CYP46A1: variants seen among roughly 807,000 people sequenced by gnomAD.
CYP46A1 encodes cytochrome P450 family 46 subfamily A member 1, also known as cholesterol 24-hydroxylase.
Under a neutral mutation model 63.3 loss-of-function variants are expected in CYP46A1, and 20 were observed. The ratio of observed to expected loss-of-function variants is 0.32; its 90% CI spans 0.22 to 0.46. The LOEUF is 0.46. Among genes scored for constraint, CYP46A1 ranks in the 20% least tolerant of loss-of-function variants. The pLI is 1.00. For synonymous variants in CYP46A1, 268 were observed against 273.6 expected (o/e 0.98, Z 0.20); for missense variants, 445 against 670.8 (o/e 0.66, Z 3.72).
chr14:99,723,180 T>G (rs2056864703), intron 12 of CYP46A1: 2 of 198,518 alleles, frequency 1.0e-5, no homozygotes, highest in Non-Finnish European at 2.2e-5. Flanking sequence ...CGTGAGCATC[T>G]GACCCTGCTT....
intron 1 of CYP46A1, among the ~76,000 whole-genome samples, chr14:99,687,828 G>A (rs2056507778): frequency 1.3e-5 from 2 of 152,134 alleles, no homozygotes; most frequent in South Asian, 4.1e-4. Context: ...CTATCACCAG[G>A]GACATGCCAA....
chr14:99,688,192 G>T (rs915209875), intron 1 of CYP46A1, among the ~76,000 whole-genome samples: 22 of 152,106 alleles, frequency 1.4e-4, no homozygotes, highest in African/African-American at 5.3e-4. Context: ...CGACAATGAG[G>T]ACACTAGATT....
At chr14:99,717,932 G>A in intron 9 of CYP46A1, 122 bp from the exon 10 acceptor site, 2 of 731,244 alleles carry the variant, frequency 2.7e-6, no homozygotes, top group East Asian at 2.7e-5. Flanking sequence ...GGCTTTTAGA[G>A]CCAGATGCCT....
At chr14:99,695,587 C>T (rs1236373189) in intron 3 of CYP46A1, 1 of 167,742 alleles carries the variant, frequency 6.0e-6, no homozygotes, top group Non-Finnish European at 1.3e-5. Context: ...ATTTTGTCTA[C>T]TTTAAGCCAT....
chr14:99,716,211 T>C lies in CYP46A1; in HGVS notation c.907+12T>C, dbSNP rs748290810. On this transcript the variant is annotated intron_variant, in intron 9 of 14. Transcript: ENST00000261835. The stretch of plus-strand genomic sequence containing the variant: ...CTTCTTCATTGCTGGTTTGTAGCTT[T>C]GGCGGTGGCCAAGGGCCCGGAGCTC... 35 of 1,614,068 alleles carry C rather than the reference T, an allele frequency of 2.2e-5. No individual in the cohort carries two copies. The highest frequency in any genetic ancestry group is 2.9e-5 in the Non-Finnish European group (34 of 1,179,990).
chr14:99,715,787 C>G, intron 7 of CYP46A1, 23 bp from the exon 8 acceptor site: 1 of 1,614,000 alleles, frequency 6.2e-7, no homozygotes, highest in African/African-American at 1.3e-5. Flanking sequence ...ACTTGGCCAT[C>G]TGGAGCTGAA....
chr14:99,693,090 G>C (rs905375527), intron 3 of CYP46A1: 2 of 152,298 alleles, frequency 1.3e-5, no homozygotes, highest in Non-Finnish European at 2.9e-5. Context: ...TAATATAAAT[G>C]AGCCATCTAG....
chr14:99,719,997 C>CA (rs1415936324), intron 10 of CYP46A1, among the ~76,000 whole-genome samples: 1 of 151,670 alleles, frequency 6.6e-6, no homozygotes, highest in African/African-American at 2.4e-5. Context: ...CTCCTGACCT[C>CA]ATGATCCACC....
chr14:99,716,903 A>T (rs1239763845), intron 9 of CYP46A1, among the ~76,000 whole-genome samples: 1 of 152,200 alleles, frequency 6.6e-6, no homozygotes, highest in Non-Finnish European at 1.5e-5. Flanking sequence ...AAGATGAGGG[A>T]CAGTTTCTAG....
intron 5 of CYP46A1, among the ~76,000 whole-genome samples, chr14:99,702,762 C>T (rs2056643200): frequency 6.6e-6 from 1 of 151,966 alleles, no homozygotes; most frequent in Admixed American, 6.6e-5. Flanking sequence ...ACATTGTGCT[C>T]CCCACCTTTA....
At chr14:99,702,703 T>G (rs1370393456) in intron 5 of CYP46A1, among the ~76,000 whole-genome samples, 1 of 152,062 alleles carries the variant, frequency 6.6e-6, no homozygotes, top group Non-Finnish European at 1.5e-5. Context: ...TACATATATT[T>G]ATATTTTTTA....
At chr14:99,691,677 G>A in intron 2 of CYP46A1, 103 bp from the exon 3 acceptor site, 1 of 1,084,422 alleles carries the variant, frequency 9.2e-7, no homozygotes, top group Non-Finnish European at 1.4e-6. Flanking sequence ...CATGCATTGA[G>A]CACCTTCTGG....
intron 7 of CYP46A1, chr14:99,710,785 C>T (rs2056722981): frequency 6.6e-6 from 1 of 152,140 alleles, no homozygotes; most frequent in Non-Finnish European, 1.5e-5. Context: ...ATCACAGAAA[C>T]ATTGGATTTA....
intron 9 of CYP46A1, 196 bp from the exon 10 acceptor site, chr14:99,717,858 T>C (rs1389506503): frequency 9.7e-6 from 5 of 514,384 alleles, no homozygotes; most frequent in African/African-American, 1.9e-5. Flanking sequence ...CACTTTCTCT[T>C]CTCCAAAATG....
chr14:99,685,370 C>A (rs896709741), intron 1 of CYP46A1, among the ~76,000 whole-genome samples: 1 of 131,336 alleles, frequency 7.6e-6, no homozygotes. Context: ...CTGGGCCTGG[C>A]GGGCTTCTTC....
chr14:99,714,387 C>A (rs1212676857), intron 7 of CYP46A1, among the ~76,000 whole-genome samples: 1 of 152,128 alleles, frequency 6.6e-6, no homozygotes, highest in African/African-American at 2.4e-5. Context: ...AAAGAAAAAT[C>A]AGTATATCAA....
In CYP46A1 at chr14:99,706,802, G is replaced by A. The variant is rs1460715216; in HGVS notation, c.582+17G>A. 2.5e-6 allele frequency: 4 copies of A among 1,610,202 alleles called. No homozygotes were observed. Among genetic ancestry groups the A allele is most frequent in the East Asian group, 2.2e-5 (1 of 44,840 alleles). On this transcript the variant is annotated intron_variant, in intron 6 of 14. Coordinates refer to ENST00000261835, the MANE Select transcript of CYP46A1 (RefSeq NM_006668.2). Reference sequence around the variant, plus strand: ...CTGGCCAAGGTGATGGGTGACAGTCGGGCATGGGGGCCAGGAGGGCCACAT... The same window carrying A: ...CTGGCCAAGGTGATGGGTGACAGTCAGGCATGGGGGCCAGGAGGGCCACAT...
intron 3 of CYP46A1, among the ~76,000 whole-genome samples, chr14:99,695,971 CT>C (rs369437782): frequency 6.6e-6 from 1 of 152,036 alleles, no homozygotes; most frequent in Admixed American, 6.6e-5. Flanking sequence ...CATGTTATAT[CT>C]TTTTTCTGTT....
At chr14:99,726,404 G>A (rs907940081) in intron 14 of CYP46A1, 148 bp downstream of exon 14, 1 of 1,160,566 alleles carries the variant, frequency 8.6e-7, no homozygotes, top group Non-Finnish European at 1.2e-6. Context: ...AGGACTGGCT[G>A]TGTTTTGCAC....
Sources: allele counts gnomAD v4.1 joint callset (sites outside exome capture counted in the v4.1 genomes callset), GRCh38; gene constraint gnomAD v4.1.1; transcripts MANE v1.5; gene names NCBI Gene and HGNC (gene_info 2026-07-23, HGNC 2026-07-21).